The following PCNX4 variants were observed in gnomAD, a reference collection of about 807,000 sequenced individuals.
The protein encoded by PCNX4 is pecanex 4, also known as pecanex-like protein 4.
PCNX4 carries 103 observed loss-of-function variants against 107.2 expected under a neutral mutation model. The ratio of observed to expected loss-of-function variants is 0.96; its 90% confidence interval spans 0.82 to 1.13. The LOEUF is 1.13. Among genes scored for constraint, PCNX4 ranks in the 50% most tolerant of loss-of-function variants. The probability of loss-of-function intolerance (pLI) is 0.00; values close to 1 mark genes in which losing one functional copy is unlikely to be tolerated. For missense variants in PCNX4, 1,528 were observed against 1,379.4 expected, an observed-to-expected ratio of 1.11 and a Z score of -1.71; for synonymous variants, 541 against 481.7, an observed-to-expected ratio of 1.12 and a Z score of -1.61.
Position 60,134,116 on chromosome 14 carries a change from A to G in PCNX4, c.3414A>G (p.Ile1138Met). ...ACGATGATGAAGAACGTTATAGTAT[A>G]CAAGCTCATCCACTACTTTTAAGAA... ...ATNDDEERYS[I>M]QAHPLLLRNL... Residue 1138 changes from isoleucine to methionine, a missense_variant, in exon 11 of 11, where the codon ATA becomes ATG. Coordinates refer to ENST00000406854, the MANE Select transcript of PCNX4 (RefSeq NM_001330177.2). The G allele has an allele frequency of 6.2e-7, 1 of 1,613,910 alleles. No homozygotes were observed. The highest frequency in any genetic ancestry group is 8.5e-7 in the Non-Finnish European group (1 of 1,179,816).
Position 60,124,604 on chromosome 14 carries a change from C to T in PCNX4, c.2433C>T (p.Asp811=). The stretch of plus-strand genomic sequence containing the variant: ...CTCCCAAATCCCCAGAAGACATAGA[C>T]AGTTTAAATTCAGAAACTTTTAATG... ...LPPPKSPEDI[D]SLNSETFNDW... is the part of the protein sequence containing the mutation. The change falls in exon 9 of 11, where the codon GAC becomes GAT. Residue 811 remains aspartate (D), a synonymous_variant. Coordinates refer to ENST00000406854, the MANE Select transcript of PCNX4 (RefSeq NM_001330177.2). 1 of 1,612,984 alleles carries T rather than the reference C, an allele frequency of 6.2e-7. No homozygotes were observed. The highest frequency in any genetic ancestry group is 8.5e-7 in the Non-Finnish European group (1 of 1,179,014).
chr14:60,106,387 TAATG>T (rs1358865120), intron 1 of PCNX4, among the ~76,000 whole-genome samples: 1 of 152,172 alleles, frequency 6.6e-6, no homozygotes, highest in Non-Finnish European at 1.5e-5. Flanking sequence ...TAGGGAATAA[TAATG>T]GGAAAAAAAT....
intron 1 of PCNX4, among the ~76,000 whole-genome samples, chr14:60,103,361 A>G (rs1200570276): frequency 1.3e-5 from 2 of 152,208 alleles, no homozygotes; most frequent in Non-Finnish European, 2.9e-5. Flanking sequence ...AGTGTTTTTT[A>G]ATTTCAAAGA....
intron 1 of PCNX4, among the ~76,000 whole-genome samples, chr14:60,101,214 A>C (rs1895525223): frequency 6.6e-6 from 1 of 152,174 alleles, no homozygotes; most frequent in East Asian, 1.9e-4. Context: ...GTGTTTCTTA[A>C]ATGTATTTGA....
chr14:60,124,983 T>G lies in PCNX4; in HGVS notation c.2812T>G (p.Tyr938Asp). ...EMSSLFPEDW[Y>D]QFVLRQLECY... is the part of the protein sequence containing the mutation. The stretch of plus-strand genomic sequence containing the variant: ...GAGCTCGTTATTTCCAGAAGACTGG[T>G]ACCAATTTGTTCTAAGGCAGTTGGA... The change falls in exon 9 of 11, where the codon TAC becomes GAC. Residue 938 changes from tyrosine to aspartate, a missense_variant. By Grantham distance (160) the Tyr-to-Asp change is radical. Coordinates refer to ENST00000406854, the MANE Select transcript of PCNX4 (RefSeq NM_001330177.2). 1 of 1,613,860 alleles carries G rather than the reference T, an allele frequency of 6.2e-7. No individual in the cohort carries two copies. The highest frequency in any genetic ancestry group is 8.5e-7 in the Non-Finnish European group (1 of 1,179,782).
Position 60,138,477 on chromosome 14 carries a change from A to G in PCNX4, c.*4256A>G, listed in dbSNP as rs1896267761. On this transcript the variant is annotated 3_prime_UTR_variant, in exon 11 of 11. Transcript: ENST00000406854. ...AGAAAATCATTAAAGGAGCCAGACA[A>G]TGATAAAAGACATTACTTTTAAAGG... 1.3e-5 allele frequency: 2 copies of G among 152,362 alleles called. No individual in the cohort carries two copies. The highest frequency in any genetic ancestry group is 1.5e-5 in the Non-Finnish European group (1 of 68,024). The allele number at this position is 152,362 out of a possible 1,614,324, so 9.4% of individuals were successfully genotyped here. A position where few individuals can be genotyped will look rare whatever the true frequency, so the allele number is the denominator to read the frequency against.
chr14:60,122,843 T>C (rs1895980685), intron 8 of PCNX4, among the ~76,000 whole-genome samples: 4 of 152,164 alleles, frequency 2.6e-5, no homozygotes, highest in African/African-American at 9.7e-5. Flanking sequence ...TTTTTTGTAC[T>C]AGCACAGATT....
intron 10 of PCNX4, among the ~76,000 whole-genome samples, chr14:60,132,684 G>GA (rs1411257048): frequency 6.6e-6 from 1 of 151,612 alleles, no homozygotes; most frequent in African/African-American, 2.4e-5. Flanking sequence ...CACAGAATGG[G>GA]AAAAATATTT....
rs188620017 is a variant in PCNX4, at chr14:60,120,545, G to A, written c.1943-651G>A. Among the ~76,000 whole-genome samples the A allele has an allele frequency of 5.7e-4, 86 of 152,210 alleles. 1 individual carries two copies. Among genetic ancestry groups the A allele is most frequent in the African/African-American group, 1.8e-3 (73 of 41,528 alleles). ...TTCTGAACCACATATTGTACAAGCCGACTTGCACAAAGATAATTTCTGCAA... is the reference window on the plus strand; with the variant it reads ...TTCTGAACCACATATTGTACAAGCCAACTTGCACAAAGATAATTTCTGCAA... On this transcript the variant is annotated intron_variant, in intron 7 of 10. Transcript: ENST00000406854.
chr14:60,107,701 A>G lies in PCNX4; in HGVS notation c.63A>G (p.Pro21=), dbSNP rs1895654322. The G allele has an allele frequency of 6.2e-7, 1 of 1,612,860 alleles. No homozygotes were observed. The change falls in exon 2 of 11, where the codon CCA becomes CCG. Residue 21 remains proline (P), a synonymous_variant. Transcript: ENST00000406854. ...YKQDFFLKRF[P]QTVLGGPRFK... is the part of the protein sequence containing the mutation. ...AGGACTTCTTTCTGAAGCGCTTTCCACAGACTGTTCTTGGAGGCCCTCGAT... is the reference window on the plus strand; with the variant it reads ...AGGACTTCTTTCTGAAGCGCTTTCCGCAGACTGTTCTTGGAGGCCCTCGAT...
Position 60,108,338 on chromosome 14 carries a change from A to G in PCNX4, c.689+11A>G. ...GGATCTGGCACACAGGTAAAAACCT[A>G]CCAAATACTTTGTAACTAACTTTGT... On this transcript the variant is annotated intron_variant, in intron 2 of 10. Coordinates refer to ENST00000406854, the MANE Select transcript of PCNX4 (RefSeq NM_001330177.2). 1.3e-6 allele frequency: 2 copies of G among 1,563,452 alleles called. No individual in the cohort carries two copies. The highest frequency in any genetic ancestry group is 1.7e-6 in the Non-Finnish European group (2 of 1,151,764).
Position 60,107,929 on chromosome 14 carries a change from A to G in PCNX4, c.291A>G (p.Lys97=), listed in dbSNP as rs766346343. 2.5e-6 allele frequency: 4 copies of G among 1,612,900 alleles called. No individual in the cohort carries two copies. The East Asian group carries it at 6.7e-5, about 27-fold the overall frequency. Residue 97 remains lysine (K), a synonymous_variant, in exon 2 of 11, where the codon AAA becomes AAG. Transcript: ENST00000406854. ...TCACAAGTTTATACGCCAAAAACAA[A>G]TCAACAACAGTAGAAAGAATACTAA... ...IQFTSLYAKN[K]STTVERILTT...
intron 2 of PCNX4, among the ~76,000 whole-genome samples, chr14:60,113,373 C>T (rs1372600078): frequency 1.3e-5 from 2 of 152,058 alleles, no homozygotes; most frequent in South Asian, 2.1e-4. Context: ...ATTATTACTA[C>T]TACTACTATT....
At position 60,115,383 on chromosome 14, in the gene PCNX4, C is replaced by T; in HGVS notation, c.1279C>T (p.Gln427Ter). The T allele has an allele frequency of 6.3e-7, 1 of 1,589,130 alleles. No individual in the cohort carries two copies. Among genetic ancestry groups the T allele is most frequent in the Non-Finnish European group, 8.6e-7 (1 of 1,168,710 alleles). Residue 427 changes from glutamine (Q) to a stop codon, truncating the protein, a stop_gained, in exon 4 of 11, where the codon CAA (glutamine) becomes TAA (stop). Coordinates refer to ENST00000406854, the MANE Select transcript of PCNX4 (RefSeq NM_001330177.2). LOFTEE classifies it high-confidence loss of function. The stretch of plus-strand genomic sequence containing the variant: ...AAATCCCTTTTATCCGAAGGATGTG[C>T]AAACTGTGACTGTATTCTTTGAGAA... ...FRNPFYPKDV[Q>*]TVTVFFEKQT...
chr14:60,120,338 G>A (rs308996), intron 7 of PCNX4, among the ~76,000 whole-genome samples: 2 of 151,946 alleles, frequency 1.3e-5, no homozygotes, highest in East Asian at 3.9e-4. Context: ...GTCTGCCTAG[G>A]ACATACCAAT....
At chr14:60,100,950 T>TTGG (rs1895520072) in intron 1 of PCNX4, among the ~76,000 whole-genome samples, 2 of 152,316 alleles carry the variant, frequency 1.3e-5, no homozygotes, top group South Asian at 4.1e-4. Flanking sequence ...GATAATCAAC[T>TTGG]AACAGTCAGG....
rs1253133283 is a variant in PCNX4, at chr14:60,134,566, G to A, written c.*345G>A. 4.7e-6 allele frequency: 1 copy of A among 213,686 alleles called. No homozygotes were observed. Among genetic ancestry groups the A allele is most frequent in the Admixed American group, 5.2e-5 (1 of 19,050 alleles). 13.2% of individuals were successfully genotyped at this position (213,686 alleles called of 1,614,324 possible). On this transcript the variant is annotated 3_prime_UTR_variant, in exon 11 of 11. Transcript: ENST00000406854. ...GGTGAATTGCCATACAAAGTTAACA[G>A]CTATGTAATTTTTACATACTTAAGA... is the stretch of plus-strand genomic sequence containing the variant.
At chr14:60,123,808 A>G (rs953017099) in intron 8 of PCNX4, among the ~76,000 whole-genome samples, 1 of 152,166 alleles carries the variant, frequency 6.6e-6, no homozygotes, top group Non-Finnish European at 1.5e-5. Context: ...TATTAGTCTC[A>G]TAAAGTGGGA....
At chr14:60,130,773 A>G (rs1896139903) in intron 10 of PCNX4, among the ~76,000 whole-genome samples, 1 of 152,086 alleles carries the variant, frequency 6.6e-6, no homozygotes, top group South Asian at 2.1e-4. Flanking sequence ...TCTTGAATCT[A>G]CAGGAAGAAA....
Sources: allele counts gnomAD v4.1 joint callset (sites outside exome capture counted in the v4.1 genomes callset), GRCh38; gene constraint gnomAD v4.1.1; transcripts MANE v1.5; gene names NCBI Gene and HGNC (gene_info 2026-07-23, HGNC 2026-07-21).